The following CDH4 variants were observed in gnomAD, a reference collection of about 807,000 sequenced individuals.
CDH4 encodes the protein cadherin-4.
Under a neutral mutation model 86.0 loss-of-function variants are expected in CDH4, and 33 were observed. That is an observed-to-expected ratio of 0.38 (90% CI 0.29 to 0.51). The LOEUF is 0.51. Among genes scored for constraint, CDH4 ranks in the 20% least tolerant of loss-of-function variants. The pLI is 0.86. For synonymous variants in CDH4, 555 were observed against 549.4 expected (o/e 1.01, Z -0.14); for missense variants, 1,114 against 1,307.4 (o/e 0.85, Z 2.28).
intron 2 of CDH4, chr20:61,436,978 C>T (rs1483959529): frequency 6.6e-6 from 1 of 152,384 alleles, no homozygotes. Context: ...AAGGCCTGGC[C>T]TGTTTTGCCC....
chr20:61,408,111 A>G (rs939088223), intron 2 of CDH4, among the ~76,000 whole-genome samples: 1 of 152,098 alleles, frequency 6.6e-6, no homozygotes, highest in Admixed American at 6.5e-5. Context: ...CGACCTCTCC[A>G]TCGTCAAGTG....
intron 9 of CDH4, among the ~76,000 whole-genome samples, chr20:61,918,187 A>C (rs1034195055): frequency 6.6e-6 from 1 of 152,204 alleles, no homozygotes; most frequent in Non-Finnish European, 1.5e-5. Flanking sequence ...CCAGAGACAG[A>C]GGGACCAAGG....
At chr20:61,609,296 T>G (rs888157869) in intron 2 of CDH4, among the ~76,000 whole-genome samples, 6 of 152,172 alleles carry the variant, frequency 3.9e-5, no homozygotes, top group Admixed American at 6.5e-5. Flanking sequence ...ACTTCATCTT[T>G]CCTGTTGCAG....
intron 2 of CDH4, among the ~76,000 whole-genome samples, chr20:61,666,808 T>C (rs1254141512): frequency 6.6e-6 from 1 of 152,182 alleles, no homozygotes; most frequent in Non-Finnish European, 1.5e-5. Context: ...TGCTCACAGC[T>C]CACTGTCAGG....
chr20:61,580,645 G>T (rs527508481), intron 2 of CDH4, among the ~76,000 whole-genome samples: 1 of 152,282 alleles, frequency 6.6e-6, no homozygotes, highest in South Asian at 2.1e-4. Context: ...GCTCTAGGGG[G>T]GGAAATTAGC....
chr20:61,622,079 C>A (rs1282333351), intron 2 of CDH4, among the ~76,000 whole-genome samples: 3 of 152,214 alleles, frequency 2.0e-5, no homozygotes. Flanking sequence ...AGGATCAATA[C>A]TCAAGGGTTG....
At chr20:61,425,294 C>T (rs1418844806) in intron 2 of CDH4, among the ~76,000 whole-genome samples, 1 of 152,070 alleles carries the variant, frequency 6.6e-6, no homozygotes, top group African/African-American at 2.4e-5. Flanking sequence ...CGGCCAGGAC[C>T]GGAGAGCAGT....
chr20:61,364,290 G>A (rs949062838), intron 2 of CDH4, among the ~76,000 whole-genome samples: 1 of 152,178 alleles, frequency 6.6e-6, no homozygotes, highest in Non-Finnish European at 1.5e-5. Context: ...GACACAAGCC[G>A]TGGGGGTGGA....
In CDH4 at chr20:61,412,425, G is replaced by A. The variant is rs544403681; in HGVS notation, c.169+157488G>A. Among the ~76,000 whole-genome samples the A allele has an allele frequency of 9.2e-5, 14 of 152,258 alleles. 1 individual carries two copies. In the South Asian group the frequency reaches 2.5e-3, roughly 27 times the overall value. On this transcript the variant is annotated intron_variant, in intron 2 of 15. Transcript: ENST00000614565. ...AGATCTGCCTCCTCCCCAGAGTGCC[G>A]GAGGTTACATTTATCAGCACCCCAC...
intron 2 of CDH4, among the ~76,000 whole-genome samples, chr20:61,712,196 A>C (rs965510696): frequency 6.6e-6 from 1 of 152,132 alleles, no homozygotes; most frequent in Admixed American, 6.5e-5. Flanking sequence ...CAAGCCAAGT[A>C]AGCTGTGTCC....
intron 9 of CDH4, among the ~76,000 whole-genome samples, chr20:61,922,680 T>C (rs1383727111): frequency 1.3e-5 from 2 of 152,216 alleles, no homozygotes; most frequent in Non-Finnish European, 1.5e-5. Context: ...GGCCTGTAGC[T>C]GCCTCACTCC....
At chr20:61,660,801 G>A (rs1324964802) in intron 2 of CDH4, among the ~76,000 whole-genome samples, 1 of 152,160 alleles carries the variant, frequency 6.6e-6, no homozygotes, top group Non-Finnish European at 1.5e-5. Flanking sequence ...GCTTCGTGGA[G>A]ATACCTGGAC....
intron 2 of CDH4, among the ~76,000 whole-genome samples, chr20:61,435,109 G>A (rs6089616): frequency 0.074 from 11,217 of 152,198 alleles, 685 homozygotes; most frequent in African/African-American, 0.16. Context: ...TGCTGAAGCC[G>A]GATTGTGAGA....
chr20:61,480,925 C>T lies in CDH4; in HGVS notation c.169+225988C>T, dbSNP rs1164516003. ...TTTGTGCGACCAAGATTATACAACT[C>T]GGATGCTACTGTTTATAAAGTGTGT... On this transcript the variant is annotated intron_variant, in intron 2 of 15. Transcript: ENST00000614565. This position sits in a 1 kb window ranked among gnomAD's most constrained non-coding sequence, Gnocchi z 5.2. Among the ~76,000 whole-genome samples the T allele has an allele frequency of 2.0e-5, 3 of 152,168 alleles. No homozygotes were observed. The highest frequency in any genetic ancestry group is 4.4e-5 in the Non-Finnish European group (3 of 68,036).
chr20:61,649,698 G>A (rs1014856368), intron 2 of CDH4, among the ~76,000 whole-genome samples: 4 of 152,180 alleles, frequency 2.6e-5, no homozygotes, highest in Admixed American at 1.3e-4. Context: ...TTTGGAAACC[G>A]CAGAGCAGCT....
Position 61,377,075 on chromosome 20 carries a change from G to A in CDH4, c.169+122138G>A, listed in dbSNP as rs2084876618. Among the ~76,000 whole-genome samples the A allele has an allele frequency of 1.3e-5, 2 of 152,184 alleles. No homozygotes were observed. Among genetic ancestry groups the A allele is most frequent in the African/African-American group, 4.8e-5 (2 of 41,442 alleles). On this transcript the variant is annotated intron_variant, in intron 2 of 15. Coordinates refer to ENST00000614565, the MANE Select transcript of CDH4 (RefSeq NM_001794.5). The surrounding 1 kb of genome is among the most constrained non-coding windows in gnomAD (Gnocchi z 4.0). ...GTGCACCCACCACCAACACGTGAGG[G>A]CGGCTGCTGTCCTTCAAGTCTGCGT...
intron 2 of CDH4, among the ~76,000 whole-genome samples, chr20:61,467,211 C>T (rs2085477364): frequency 6.6e-6 from 1 of 152,204 alleles, no homozygotes; most frequent in Non-Finnish European, 1.5e-5. Flanking sequence ...AGTACAGATT[C>T]TCAAAGCCAT....
rs901821494 is a variant in CDH4, at chr20:61,269,353, A to T, written c.169+14416A>T. 8.6e-5 allele frequency among the ~76,000 whole-genome samples: 13 copies of T among 152,038 alleles called. No homozygotes were observed. The highest frequency in any genetic ancestry group is 2.9e-5 in the Non-Finnish European group (2 of 67,998). On this transcript the variant is annotated intron_variant, in intron 2 of 15. Coordinates refer to ENST00000614565, the MANE Select transcript of CDH4 (RefSeq NM_001794.5). This position sits in a 1 kb window ranked among gnomAD's most constrained non-coding sequence, Gnocchi z 5.3. ...TGTATCACCTTGGAACCAGCCCCCC[A>T]TGGAGACCTGGTATACCCCGTTGCC...
At chr20:61,854,362 C>T (rs1170732864) in intron 6 of CDH4, among the ~76,000 whole-genome samples, 1 of 152,200 alleles carries the variant, frequency 6.6e-6, no homozygotes, top group Non-Finnish European at 1.5e-5. Flanking sequence ...GTGAATTATA[C>T]CCTCGGTCCG....
Sources: allele counts gnomAD v4.1 joint callset (sites outside exome capture counted in the v4.1 genomes callset), GRCh38; gene constraint gnomAD v4.1.1; non-coding constraint Gnocchi (gnomAD v3.1); transcripts MANE v1.5; gene names NCBI Gene and HGNC (gene_info 2026-07-23, HGNC 2026-07-21).